Variants in RBFOX1 observed in about 807,000 individuals in gnomAD.
RBFOX1 encodes RNA binding fox-1 homolog 1, also known as RNA binding protein fox-1 homolog 1.
Under a neutral mutation model 57.7 loss-of-function variants are expected in RBFOX1, and 8 were observed. The observed-to-expected ratio is 0.14, with a 90% CI of 0.08 to 0.25. RBFOX1 has a LOEUF of 0.25. Among genes scored for constraint, RBFOX1 ranks in the 10% least tolerant of loss-of-function variants. The probability of loss-of-function intolerance (pLI) is 1.00; values close to 1 mark genes in which losing one functional copy is unlikely to be tolerated. For missense variants in RBFOX1, 611 were observed against 548.5 expected, an observed-to-expected ratio of 1.11 and a Z score of -1.14; for synonymous variants, 326 against 222.4, an observed-to-expected ratio of 1.47 and a Z score of -4.15.
intron 3 of RBFOX1, among the ~76,000 whole-genome samples, chr16:6,699,211 A>T (rs922405741): frequency 1.6e-4 from 24 of 151,848 alleles, no homozygotes; most frequent in Non-Finnish European, 7.4e-5. Flanking sequence ...CAGCATATGG[A>T]CTACTGTTCT....
rs199690584 is a variant in RBFOX1 at position 6,060,122 on chromosome 16, G to GTTTTTTTTTTTTTTTTTTTTTTTT, written c.-127+40143_-127+40166dup. ...ATTTGGCCCTAAAATTAGGATTAGG[G>GTTTTTTTTTTTTTTTTTTTTTTTT]TTTTTTTTTTTTTTTTTTTTTTTTT... On this transcript the variant is annotated intron_variant, in intron 1 of 15. Coordinates refer to ENST00000550418, the MANE Select transcript of RBFOX1 (RefSeq NM_018723.4). Among the ~76,000 whole-genome samples, 29 of 114,192 alleles carry GTTTTTTTTTTTTTTTTTTTTTTTT rather than the reference G, an allele frequency of 2.5e-4. 3 individuals are homozygous for GTTTTTTTTTTTTTTTTTTTTTTTT. The highest frequency in any genetic ancestry group is 7.5e-4 in the Admixed American group (8 of 10,690). 74.9% of individuals were successfully genotyped at this position (114,192 alleles called of 152,430 possible).
rs1381345448 is a variant in RBFOX1 at position 5,956,772 on chromosome 16, T to C, written c.351+89437T>C. ...CAGCCTAGACCTCCTGGGGCTCAGA[T>C]GATCTTTCCACCTCAACTTCCTGTG... is the stretch of plus-strand genomic sequence containing the variant. On this transcript the variant is annotated intron_variant, in intron 4 of 19. Coordinates refer to the RBFOX1 transcript ENST00000641259. 8.7e-5 allele frequency among the ~76,000 whole-genome samples: 13 copies of C among 149,122 alleles called. No individual in the cohort carries two copies. In the South Asian group the frequency reaches 2.6e-3, roughly 29 times the overall value.
chr16:5,378,710 A>G (rs959334532), intron 1 of RBFOX1, among the ~76,000 whole-genome samples: 3 of 151,512 alleles, frequency 2.0e-5, no homozygotes, highest in South Asian at 4.1e-4. Flanking sequence ...GGACTCGGAT[A>G]TTCCCATGAC....
chr16:6,703,482 T>C (rs959943060), intron 3 of RBFOX1, among the ~76,000 whole-genome samples: 6 of 146,380 alleles, frequency 4.1e-5, no homozygotes, highest in Non-Finnish European at 1.5e-5. Flanking sequence ...GAGGCTGAGA[T>C]GGGAGGATTG....
At chr16:7,689,921 T>G (rs1455315827) in intron 14 of RBFOX1, among the ~76,000 whole-genome samples, 1 of 152,002 alleles carries the variant, frequency 6.6e-6, no homozygotes, top group Middle Eastern at 3.4e-3. Context: ...CTGTATCAGG[T>G]TTGTGTGGTT....
At chr16:5,854,988 C>T (rs1334443246) in intron 3 of RBFOX1, among the ~76,000 whole-genome samples, 1 of 152,136 alleles carries the variant, frequency 6.6e-6, no homozygotes, top group Admixed American at 6.5e-5. Flanking sequence ...ATATTGAGCA[C>T]CTTTTCATAA....
intron 3 of RBFOX1, among the ~76,000 whole-genome samples, chr16:6,894,401 A>G (rs1805062213): frequency 6.6e-6 from 1 of 152,164 alleles, no homozygotes; most frequent in Admixed American, 6.6e-5. Context: ...TGTTCCATTC[A>G]GCCCAAGTGG....
At chr16:6,169,896 C>G (rs2096946103) in intron 1 of RBFOX1, among the ~76,000 whole-genome samples, 1 of 152,160 alleles carries the variant, frequency 6.6e-6, no homozygotes, top group Non-Finnish European at 1.5e-5. Context: ...TCCCAAGTAG[C>G]TGGGATTACA....
chr16:5,362,414 G>C (rs982274313), intron 1 of RBFOX1, among the ~76,000 whole-genome samples: 4 of 152,212 alleles, frequency 2.6e-5, no homozygotes, highest in African/African-American at 7.2e-5. Context: ...CCAGGCTGGA[G>C]TGCAACGGCG....
chr16:7,109,486 C>A (rs140181217), intron 4 of RBFOX1, among the ~76,000 whole-genome samples: 1 of 152,082 alleles, frequency 6.6e-6, no homozygotes, highest in African/African-American at 2.4e-5. Flanking sequence ...GGTGGTGCAC[C>A]TTTGGGCCCT....
intron 1 of RBFOX1, among the ~76,000 whole-genome samples, chr16:5,421,236 G>C (rs1010272411): frequency 6.6e-6 from 1 of 151,932 alleles, no homozygotes; most frequent in African/African-American, 2.4e-5. Context: ...TCGAAATCCT[G>C]ACCTCAAGTG....
At chr16:7,463,896 G>C (rs2060019153) in intron 4 of RBFOX1, among the ~76,000 whole-genome samples, 1 of 152,132 alleles carries the variant, frequency 6.6e-6, no homozygotes, top group African/African-American at 2.4e-5. Flanking sequence ...GAGCAAAGTA[G>C]AGACTATTAT....
rs115561352 is a variant in RBFOX1, at chr16:5,889,250, C to T, written c.351+21915C>T. Reference sequence around the variant, plus strand: ...TGATGCTCTCCCTCCCCACACTCTCCGGCAGTGTGTGCCATTCCTCCCCAT... The same window carrying T: ...TGATGCTCTCCCTCCCCACACTCTCTGGCAGTGTGTGCCATTCCTCCCCAT... On this transcript the variant is annotated intron_variant, in intron 4 of 19. Coordinates refer to the RBFOX1 transcript ENST00000641259. Among the ~76,000 whole-genome samples the T allele has an allele frequency of 6.5e-3, 991 of 152,248 alleles. 8 individuals carry two copies. Among genetic ancestry groups the T allele is most frequent in the African/African-American group, 0.023 (946 of 41,550 alleles).
chr16:5,720,962 C>G (rs2051908858), intron 3 of RBFOX1, among the ~76,000 whole-genome samples: 1 of 152,070 alleles, frequency 6.6e-6, no homozygotes, highest in Non-Finnish European at 1.5e-5. Context: ...TCAATTTCAG[C>G]CGAAATGGCA....
chr16:7,597,219 T>G (rs1330626462), intron 8 of RBFOX1, 152 bp from the exon 9 acceptor site: 1 of 515,006 alleles, frequency 1.9e-6, no homozygotes, highest in Non-Finnish European at 3.4e-6. Flanking sequence ...ATGTATGATT[T>G]TGTTATGCAC....
At position 7,630,598 on chromosome 16, in the gene RBFOX1, C is replaced by T. The variant is rs147023054; in HGVS notation, c.677-5C>T. ...CCAGATACCATCTCTCTCTCTCTTTCGTAGGCACGGTCCTGTTGTGCCAGG... is the reference window on the plus strand; with the variant it reads ...CCAGATACCATCTCTCTCTCTCTTTTGTAGGCACGGTCCTGTTGTGCCAGG... On this transcript the variant is annotated splice_polypyrimidine_tract_variant and splice_region_variant and intron_variant, in intron 10 of 15. Coordinates refer to ENST00000550418, the MANE Select transcript of RBFOX1 (RefSeq NM_018723.4). 1,673 of 1,614,084 alleles carry T rather than the reference C, an allele frequency of 1.0e-3. 1 individual carries two copies. The highest frequency in any genetic ancestry group is 1.3e-3 in the Non-Finnish European group (1,573 of 1,180,024).
At chr16:7,541,163 A>G (rs971382853) in intron 5 of RBFOX1, among the ~76,000 whole-genome samples, 1 of 152,222 alleles carries the variant, frequency 6.6e-6, no homozygotes, top group Non-Finnish European at 1.5e-5. Flanking sequence ...AATTCACTCT[A>G]ATTACTCAGA....
At chr16:5,699,148 C>G (rs1478804272) in intron 3 of RBFOX1, among the ~76,000 whole-genome samples, 1 of 151,950 alleles carries the variant, frequency 6.6e-6, no homozygotes, top group African/African-American at 2.4e-5. Flanking sequence ...CCACCACACC[C>G]AGCTAATTTT....
chr16:7,565,556 A>G (rs910288617), intron 5 of RBFOX1, among the ~76,000 whole-genome samples: 1 of 152,168 alleles, frequency 6.6e-6, no homozygotes, highest in Non-Finnish European at 1.5e-5. Context: ...ATTACTGGCT[A>G]AATCAAGACC....
Sources: gnomAD v4.1 joint callset for allele counts (sites outside exome capture counted in the v4.1 genomes callset) on GRCh38, gnomAD v4.1.1 for gene constraint, MANE v1.5 for transcripts, NCBI Gene and HGNC (gene_info 2026-07-23, HGNC 2026-07-21) for gene names.